The following PCDHA9 variants were observed in gnomAD, a reference collection of about 807,000 sequenced individuals.
PCDHA9 encodes protocadherin alpha-9.
Under a neutral mutation model 62.0 loss-of-function variants are expected in PCDHA9, and 62 were observed. The ratio of observed to expected loss-of-function variants is 1.00; its 90% CI spans 0.81 to 1.23. The LOEUF is 1.23. PCDHA9 is among the 50% of genes most tolerant of loss of function. PCDHA9 has a pLI of 0.00. For synonymous variants in PCDHA9, 557 were observed against 567.6 expected (o/e 0.98, Z 0.27); for missense variants, 1,205 against 1,249.8 (o/e 0.96, Z 0.54).
At position 141,010,421 on chromosome 5, in the gene PCDHA9, A is replaced by T. The variant is rs1486731012; in HGVS notation, c.*484A>T. The T allele has an allele frequency of 8.7e-7, 1 of 1,148,142 alleles. No homozygotes were observed. Among genetic ancestry groups the T allele is most frequent in the Admixed American group, 2.9e-5 (1 of 34,726 alleles). The allele number at this position is 1,148,142 out of a possible 1,614,324, so 71.1% of individuals were successfully genotyped here. A position where few individuals can be genotyped will look rare whatever the true frequency, so the allele number is the denominator to read the frequency against. ...CAGCTTAGACTAATTGGTACAAGGAAGGCAAGAAAACAAAGACAAATAAAC... is the reference window on the plus strand; with the variant it reads ...CAGCTTAGACTAATTGGTACAAGGATGGCAAGAAAACAAAGACAAATAAAC... On this transcript the variant is annotated 3_prime_UTR_variant, in exon 4 of 4. Coordinates refer to ENST00000532602, the MANE Select transcript of PCDHA9 (RefSeq NM_031857.2).
At chr5:140,872,181 G>T (rs2053527538) in intron 1 of PCDHA9, among the ~76,000 whole-genome samples, 1 of 151,138 alleles carries the variant, frequency 6.6e-6, no homozygotes, top group Admixed American at 6.6e-5. Flanking sequence ...TTTTTTTACA[G>T]TGTTAAACGT....
At chr5:140,911,151 G>A (rs2075350899) in intron 1 of PCDHA9, among the ~76,000 whole-genome samples, 1 of 152,174 alleles carries the variant, frequency 6.6e-6, no homozygotes, top group South Asian at 2.1e-4. Context: ...TTTCTCCTCA[G>A]ACAAATGTGG....
intron 1 of PCDHA9, chr5:140,857,965 T>C: frequency 6.3e-7 from 1 of 1,597,084 alleles, no homozygotes; most frequent in Non-Finnish European, 8.6e-7. Context: ...TGGATGAGAC[T>C]GACTCGCCAC....
chr5:140,848,691 T>A lies in PCDHA9; in HGVS notation c.196T>A (p.Leu66Met), dbSNP rs1554142358. Residue 66 changes from leucine to methionine, a missense_variant, in exon 1 of 4, where the codon TTG becomes ATG. Physicochemically the swap from Leu to Met is conservative, Grantham distance 15 (BLOSUM62 2). Coordinates refer to ENST00000532602, the MANE Select transcript of PCDHA9 (RefSeq NM_031857.2). The part of the protein sequence containing the change: ...LAELVPRLFQ[L>M]DSKGRGDLLE... ...GGAGCTGGTGCCGCGCCTGTTCCAG[T>A]TGGATTCCAAAGGCCGCGGGGACCT... 1 of 1,591,900 alleles carries A rather than the reference T, an allele frequency of 6.3e-7. No homozygotes were observed. The highest frequency in any genetic ancestry group is 8.6e-7 in the Non-Finnish European group (1 of 1,163,132).
chr5:140,935,044 G>C (rs1246943645), intron 1 of PCDHA9, among the ~76,000 whole-genome samples: 1 of 151,942 alleles, frequency 6.6e-6, no homozygotes, highest in African/African-American at 2.4e-5. Context: ...CTTGATTTCT[G>C]GTATTACAAG....
chr5:140,950,435 A>T (rs2094483371), intron 1 of PCDHA9, among the ~76,000 whole-genome samples: 1 of 152,038 alleles, frequency 6.6e-6, no homozygotes, highest in Non-Finnish European at 1.5e-5. Flanking sequence ...CACTTAAAAA[A>T]AATGTTATTC....
intron 1 of PCDHA9, chr5:140,875,379 G>A: frequency 1.4e-6 from 2 of 1,459,474 alleles, no homozygotes; most frequent in Non-Finnish European, 1.8e-6. Flanking sequence ...TACTAAATAT[G>A]TACTTACAGA....
intron 1 of PCDHA9, chr5:140,969,253 C>G (rs200334724): frequency 7.4e-6 from 12 of 1,614,084 alleles, no homozygotes; most frequent in Non-Finnish European, 8.5e-7. Context: ...TGACTGACAG[C>G]AGGAATCTCA....
At chr5:140,915,445 G>C (rs2077121673) in intron 1 of PCDHA9, among the ~76,000 whole-genome samples, 1 of 152,024 alleles carries the variant, frequency 6.6e-6, no homozygotes, top group Non-Finnish European at 1.5e-5. Context: ...TTCTTGAGAA[G>C]GTTTTCCAGA....
intron 1 of PCDHA9, chr5:140,967,700 G>T: frequency 6.2e-7 from 1 of 1,614,196 alleles, no homozygotes; most frequent in Non-Finnish European, 8.5e-7. Context: ...CAGCATAGAT[G>T]CCAGTACCGG....
At chr5:140,928,120 G>A (rs368067553) in intron 1 of PCDHA9, 5 of 1,614,062 alleles carry the variant, frequency 3.1e-6, no homozygotes, top group African/African-American at 1.3e-5. Context: ...GCAGATCAGT[G>A]AATACCAAGT....
chr5:140,928,480 G>A, intron 1 of PCDHA9: 2 of 1,614,146 alleles, frequency 1.2e-6, no homozygotes, highest in Non-Finnish European at 1.7e-6. Flanking sequence ...AGGCCGGGAT[G>A]GTGGCATTCC....
chr5:140,964,759 G>T (rs1419505922), intron 1 of PCDHA9, among the ~76,000 whole-genome samples: 6 of 151,804 alleles, frequency 4.0e-5, no homozygotes, highest in Non-Finnish European at 7.4e-5. Context: ...GATGTTTGGG[G>T]AGGATGCAGA....
At chr5:140,853,068 A>G (rs2042618131) in intron 1 of PCDHA9, 1 of 280,152 alleles carries the variant, frequency 3.6e-6, no homozygotes, top group Non-Finnish European at 5.5e-6. Context: ...TTTAGTAGAG[A>G]TGGGGTTTCA....
At chr5:140,968,641 C>T (rs782760741) in intron 1 of PCDHA9, 12 of 1,614,006 alleles carry the variant, frequency 7.4e-6, no homozygotes, top group East Asian at 4.5e-5. Context: ...ACCATCTAGC[C>T]CAGACTTCTG....
chr5:140,926,212 T>G (rs1261895253), intron 1 of PCDHA9, among the ~76,000 whole-genome samples: 2 of 152,204 alleles, frequency 1.3e-5, no homozygotes, highest in Non-Finnish European at 2.9e-5. Context: ...GGGCTCCTGT[T>G]TCCTTAAGCC....
intron 3 of PCDHA9, among the ~76,000 whole-genome samples, chr5:140,984,824 C>T (rs920985683): frequency 6.6e-6 from 1 of 151,980 alleles, no homozygotes; most frequent in African/African-American, 2.4e-5. Flanking sequence ...TCTTAATTAC[C>T]CTTTCTGTAA....
chr5:140,920,632 T>C (rs1054888668), intron 1 of PCDHA9, among the ~76,000 whole-genome samples: 2 of 152,018 alleles, frequency 1.3e-5, no homozygotes, highest in Non-Finnish European at 2.9e-5. Context: ...GATCACAAGG[T>C]CAAGAGATTG....
Position 140,978,964 on chromosome 5 carries a change from C to G in PCDHA9, c.2410C>G (p.Pro804Ala). ...GATTTTGCAGCCACGACAGCCCAAC[C>G]CTGACTGGCGTTACTCTGCCTCCCT... ...DSTGKPRQPN[P>A]DWRYSASLRA... is the part of the protein sequence containing the mutation. The change falls in exon 2 of 4, where the codon CCT becomes GCT. Residue 804 changes from proline to alanine, a missense_variant. Transcript: ENST00000532602. 3 of 1,614,122 alleles carry G rather than the reference C, an allele frequency of 1.9e-6. No homozygotes were observed. The highest frequency in any genetic ancestry group is 2.5e-6 in the Non-Finnish European group (3 of 1,180,010).
Sources: allele counts gnomAD v4.1 joint callset (sites outside exome capture counted in the v4.1 genomes callset), GRCh38; gene constraint gnomAD v4.1.1; transcripts MANE v1.5; gene names NCBI Gene and HGNC (gene_info 2026-07-23, HGNC 2026-07-21).